Variants in DLC1 observed in about 807,000 individuals in gnomAD.
DLC1 encodes the protein DLC1 Rho GTPase activating protein, also known as rho GTPase-activating protein 7.
A neutral mutation model predicts 140.3 loss-of-function variants in DLC1; 54 were observed. That is an observed-to-expected ratio of 0.38 (90% CI 0.31 to 0.48). DLC1 has a LOEUF of 0.48. Ranked by LOEUF, DLC1 falls within the 20% of genes least tolerant of loss-of-function variation. The pLI is 0.96. For synonymous variants in DLC1, 986 were observed against 728.1 expected (o/e 1.35, Z -5.70); for missense variants, 2,536 against 1,907.0 (o/e 1.33, Z -6.14).
At chr8:13,388,515 A>G (rs1274822306) in intron 4 of DLC1, among the ~76,000 whole-genome samples, 1 of 152,050 alleles carries the variant, frequency 6.6e-6, no homozygotes, top group East Asian at 1.9e-4. Context: ...TTATACTGAA[A>G]GATTGTATGA....
intron 1 of DLC1, among the ~76,000 whole-genome samples, chr8:13,573,780 C>G (rs570711166): frequency 1.3e-5 from 2 of 152,160 alleles, no homozygotes; most frequent in African/African-American, 2.4e-5. Flanking sequence ...TCTTTAAGCA[C>G]TTACTATTCA....
intron 5 of DLC1, among the ~76,000 whole-genome samples, chr8:13,269,225 A>C (rs1014872271): frequency 7.9e-5 from 12 of 152,202 alleles, no homozygotes. Flanking sequence ...GCCTAAGAAG[A>C]GTAAAAGCAG....
chr8:13,408,460 C>T (rs759509140), intron 2 of DLC1, among the ~76,000 whole-genome samples: 2 of 152,166 alleles, frequency 1.3e-5, no homozygotes, highest in African/African-American at 2.4e-5. Flanking sequence ...AGGCTTCAAA[C>T]GGAGCACTGA....
intron 8 of DLC1, 92 bp downstream of exon 8, chr8:13,102,698 G>A: frequency 8.8e-7 from 1 of 1,136,472 alleles, no homozygotes; most frequent in Non-Finnish European, 1.3e-6. Context: ...CAAACTAAGA[G>A]TTGGAGAAAC....
intron 1 of DLC1, among the ~76,000 whole-genome samples, chr8:13,574,061 A>G (rs1251186164): frequency 1.3e-5 from 2 of 152,144 alleles, no homozygotes; most frequent in African/African-American, 4.8e-5. Flanking sequence ...CTTCTCCACC[A>G]AAAGAAGAAA....
chr8:13,250,500 T>C (rs189429146), intron 5 of DLC1, among the ~76,000 whole-genome samples: 38 of 151,928 alleles, frequency 2.5e-4, no homozygotes, highest in Admixed American at 2.1e-3. Context: ...AATTCTGGAG[T>C]AAAGTACTTA....
At chr8:13,406,450 G>C (rs1837565992) in intron 2 of DLC1, among the ~76,000 whole-genome samples, 1 of 152,070 alleles carries the variant, frequency 6.6e-6, no homozygotes, top group Non-Finnish European at 1.5e-5. Flanking sequence ...AAAGTTTATA[G>C]TGTCAAATTC....
chr8:13,203,474 C>G (rs763252448), intron 5 of DLC1, among the ~76,000 whole-genome samples: 58 of 152,098 alleles, frequency 3.8e-4, no homozygotes, highest in Non-Finnish European at 7.1e-4. Flanking sequence ...TGGAAAGTTA[C>G]CAAAAATGAA....
chr8:13,572,654 C>A (rs569538404), intron 1 of DLC1, among the ~76,000 whole-genome samples: 3 of 152,054 alleles, frequency 2.0e-5, no homozygotes, highest in Non-Finnish European at 4.4e-5. Flanking sequence ...TTGAGTTAGT[C>A]TTTTGTTTAT....
At chr8:13,298,319 C>T (rs1832045035) in intron 5 of DLC1, among the ~76,000 whole-genome samples, 1 of 152,144 alleles carries the variant, frequency 6.6e-6, no homozygotes, top group South Asian at 2.1e-4. Flanking sequence ...GGCACAGATC[C>T]CCAAATAGTA....
chr8:13,452,386 A>AT (rs1475654218), intron 2 of DLC1, among the ~76,000 whole-genome samples: 1 of 152,146 alleles, frequency 6.6e-6, no homozygotes, highest in Non-Finnish European at 1.5e-5. Flanking sequence ...AATTTATGTT[A>AT]TCCTATCTAT....
intron 4 of DLC1, among the ~76,000 whole-genome samples, chr8:13,329,271 T>C (rs1301551211): frequency 6.6e-6 from 1 of 152,210 alleles, no homozygotes; most frequent in East Asian, 1.9e-4. Context: ...CTGCTGGTCC[T>C]ATAGAGCTTT....
rs1261333481 is a variant in DLC1 at position 13,110,777 on chromosome 8, A to C, written c.1467T>G (p.Asp489Glu). 1 of 1,614,102 alleles carries C rather than the reference A, an allele frequency of 6.2e-7. No homozygotes were observed. The highest frequency in any genetic ancestry group is 1.3e-5 in the African/African-American group (1 of 75,052). The part of the protein sequence containing the change: ...IDISLVKREH[D>E]FLDRDAIEAL... ...CCTCAATGGCATCTCTGTCCAAAAA[A>C]TCATGCTCTCTCTTGACCAAGGAAA... is the stretch of plus-strand genomic sequence containing the variant. The change falls in exon 7 of 18, where the codon GAT becomes GAG. Residue 489 changes from aspartate to glutamate, a missense_variant. By Grantham distance (45) the Asp-to-Glu change is conservative. Coordinates refer to ENST00000276297, the MANE Select transcript of DLC1 (RefSeq NM_182643.3).
intron 5 of DLC1, among the ~76,000 whole-genome samples, chr8:13,118,637 C>T (rs1411338179): frequency 6.6e-6 from 1 of 152,148 alleles, no homozygotes; most frequent in Non-Finnish European, 1.5e-5. Context: ...CCTACACTTT[C>T]CAATTCATAG....
intron 5 of DLC1, among the ~76,000 whole-genome samples, chr8:13,249,367 C>T (rs1257417444): frequency 6.6e-6 from 1 of 152,186 alleles, no homozygotes; most frequent in East Asian, 1.9e-4. Context: ...TGTGAGCCAC[C>T]ACGTCCGGCC....
At chr8:13,091,562 T>C in intron 13 of DLC1, 130 bp from the exon 14 acceptor site, 2 of 704,912 alleles carry the variant, frequency 2.8e-6, no homozygotes, top group Non-Finnish European at 4.5e-6. Context: ...GTTAAGTGGA[T>C]TAAGAGTGTT....
intron 2 of DLC1, among the ~76,000 whole-genome samples, chr8:13,464,177 A>G (rs1438158750): frequency 6.6e-6 from 1 of 152,136 alleles, no homozygotes; most frequent in Non-Finnish European, 1.5e-5. Context: ...AGGCAGATGG[A>G]TCTTTGTCTT....
intron 5 of DLC1, among the ~76,000 whole-genome samples, chr8:13,150,318 C>T (rs962625652): frequency 2.0e-5 from 3 of 152,142 alleles, no homozygotes; most frequent in Admixed American, 2.0e-4. Flanking sequence ...TTCATTATTC[C>T]TTTCAAGGTG....
Position 13,085,852 on chromosome 8 carries a change from T to C in DLC1, c.4546A>G (p.Ser1516Gly), listed in dbSNP as rs765704323. 5 of 1,614,080 alleles carry C rather than the reference T, an allele frequency of 3.1e-6. No homozygotes were observed. Among genetic ancestry groups the C allele is most frequent in the East Asian group, 4.5e-5 (2 of 44,886 alleles). The change falls in exon 18 of 18, where the codon AGT becomes GGT. Residue 1516 changes from serine (S) to glycine (G), a missense_variant. Transcript: ENST00000276297. ...AEVVKIRDSF[S>G]NQNTETKDTK... ...TCTTTGGTTTCAGTGTTCTGGTTAC[T>C]GAAGGAATCCCGGATCTTTACAACT...
Sources: allele counts gnomAD v4.1 joint callset (sites outside exome capture counted in the v4.1 genomes callset), GRCh38; gene constraint gnomAD v4.1.1; transcripts MANE v1.5; gene names NCBI Gene and HGNC (gene_info 2026-07-23, HGNC 2026-07-21).